MACROD2: variants seen among roughly 807,000 people sequenced by gnomAD.
The protein encoded by MACROD2 is mono-ADP ribosylhydrolase 2, also known as ADP-ribose glycohydrolase MACROD2.
A neutral mutation model predicts 70.4 loss-of-function variants in MACROD2; 36 were observed. That is an observed-to-expected ratio of 0.51 (90% CI 0.39 to 0.68). The LOEUF (loss-of-function observed/expected upper bound fraction) is 0.68, where lower values mean the gene tolerates loss of function less well. MACROD2 is among the 30% of genes least tolerant of loss of function. The pLI is 0.00. For missense variants in MACROD2, 496 were observed against 538.4 expected (o/e 0.92, Z 0.78); for synonymous variants, 172 against 178.8 (o/e 0.96, Z 0.30).
rs115356855 is a variant in MACROD2 at position 14,612,775 on chromosome 20, T to G, written c.302-72068T>G. On this transcript the variant is annotated intron_variant, in intron 4 of 17. Transcript: ENST00000684519. ...GATTATGGTGAGTTTTTAAACATTT[T>G]GCATAATTTTTTAAATTCTAAAAGT... Among the ~76,000 whole-genome samples, 1,002 of 152,228 alleles carry G rather than the reference T, an allele frequency of 6.6e-3. 11 individuals carry two copies. Among genetic ancestry groups the G allele is most frequent in the African/African-American group, 0.023 (960 of 41,556 alleles).
chr20:14,739,267 TTAAG>T (rs1269498141), intron 5 of MACROD2, among the ~76,000 whole-genome samples: 78 of 152,088 alleles, frequency 5.1e-4, no homozygotes, highest in African/African-American at 1.8e-3. Context: ...AAAAATCTCT[TTAAG>T]TACTGATCTA....
intron 4 of MACROD2, among the ~76,000 whole-genome samples, chr20:14,519,717 A>G (rs531269105): frequency 6.6e-6 from 1 of 152,324 alleles, no homozygotes; most frequent in South Asian, 2.1e-4. Context: ...ATTATTGGGT[A>G]TATACCCAAA....
At chr20:15,089,234 C>T (rs1291174205) in intron 5 of MACROD2, among the ~76,000 whole-genome samples, 1 of 152,126 alleles carries the variant, frequency 6.6e-6, no homozygotes. Flanking sequence ...GATTCTTGTG[C>T]AATTCAGCTG....
rs537239288 is a variant in MACROD2 at position 15,375,549 on chromosome 20, A to C, written c.541-55856A>C. 2.0e-5 allele frequency among the ~76,000 whole-genome samples: 3 copies of C among 152,300 alleles called. No individual in the cohort carries two copies. The East Asian group carries it at 5.8e-4, about 29-fold the overall frequency. On this transcript the variant is annotated intron_variant, in intron 6 of 17. Coordinates refer to ENST00000684519, the MANE Select transcript of MACROD2 (RefSeq NM_001351661.2). The stretch of plus-strand genomic sequence containing the variant: ...AATCTGAGCCAAATGGTAATTTGTG[A>C]GGTTATTAAAATGACTATTAAAGGC...
intron 8 of MACROD2, among the ~76,000 whole-genome samples, chr20:15,578,522 TAGTTAAA>T (rs561157318): frequency 3.5e-5 from 1 of 28,678 alleles, no homozygotes; most frequent in Admixed American, 5.5e-4. Context: ...CTTTCAGTTA[TAGTTAAA>T]AGACCAAACT....
At chr20:15,555,517 G>C (rs2053336692) in intron 8 of MACROD2, among the ~76,000 whole-genome samples, 2 of 152,094 alleles carry the variant, frequency 1.3e-5, no homozygotes, top group South Asian at 4.1e-4. Flanking sequence ...GATGGGTTCT[G>C]CCCTCTGCTA....
At chr20:14,903,286 C>T (rs955809257) in intron 5 of MACROD2, among the ~76,000 whole-genome samples, 1 of 152,054 alleles carries the variant, frequency 6.6e-6, no homozygotes, top group East Asian at 1.9e-4. Flanking sequence ...GATGATCCAT[C>T]CGCCTCGGCC....
At chr20:15,146,390 G>A (rs1300843997) in intron 5 of MACROD2, among the ~76,000 whole-genome samples, 1 of 152,098 alleles carries the variant, frequency 6.6e-6, no homozygotes, top group Non-Finnish European at 1.5e-5. Context: ...GGAAATCAGG[G>A]CCTTGTTTTC....
chr20:14,576,959 T>C (rs750247038), intron 4 of MACROD2, among the ~76,000 whole-genome samples: 5 of 152,238 alleles, frequency 3.3e-5, no homozygotes, highest in Non-Finnish European at 7.3e-5. Flanking sequence ...TGAGTTTGAA[T>C]TGTATGGTAA....
intron 5 of MACROD2, among the ~76,000 whole-genome samples, chr20:15,206,441 A>G (rs1490907729): frequency 6.6e-6 from 1 of 152,158 alleles, no homozygotes; most frequent in African/African-American, 2.4e-5. Context: ...ACAGAATAAA[A>G]TGCAAAAATC....
At chr20:14,720,564 T>TC (rs1382381136) in intron 5 of MACROD2, among the ~76,000 whole-genome samples, 1 of 118,022 alleles carries the variant, frequency 8.5e-6, no homozygotes, top group African/African-American at 3.7e-5. Flanking sequence ...TTTTTTTTTT[T>TC]TTTTTTGTGA....
At chr20:14,212,481 C>A (rs2081578887) in intron 3 of MACROD2, among the ~76,000 whole-genome samples, 1 of 152,122 alleles carries the variant, frequency 6.6e-6, no homozygotes, top group Non-Finnish European at 1.5e-5. Flanking sequence ...CAGCCGGTAG[C>A]ATTAACATAA....
intron 5 of MACROD2, among the ~76,000 whole-genome samples, chr20:15,037,127 T>C (rs2075319579): frequency 6.6e-6 from 1 of 152,130 alleles, no homozygotes; most frequent in Admixed American, 6.5e-5. Flanking sequence ...CAGTGGTACT[T>C]ATGCGGTGGC....
At chr20:15,146,706 T>G (rs1311299746) in intron 5 of MACROD2, among the ~76,000 whole-genome samples, 1 of 152,158 alleles carries the variant, frequency 6.6e-6, no homozygotes, top group African/African-American at 2.4e-5. Context: ...TACACCTGAC[T>G]TTTCATTCCT....
intron 7 of MACROD2, among the ~76,000 whole-genome samples, chr20:15,458,760 C>T (rs1426366394): frequency 6.6e-6 from 1 of 151,770 alleles, no homozygotes; most frequent in Non-Finnish European, 1.5e-5. Context: ...GAGTTTCTGC[C>T]TCATCGTATA....
chr20:15,066,247 T>G (rs890383100), intron 5 of MACROD2, among the ~76,000 whole-genome samples: 1 of 151,930 alleles, frequency 6.6e-6, no homozygotes, highest in Non-Finnish European at 1.5e-5. Context: ...TTCTCCTGCC[T>G]CAGCCTCTGG....
At chr20:14,903,714 GCTT>G (rs1298237662) in intron 5 of MACROD2, among the ~76,000 whole-genome samples, 16 of 152,022 alleles carry the variant, frequency 1.1e-4, no homozygotes, top group Non-Finnish European at 2.9e-5. Flanking sequence ...TACAGTAAAG[GCTT>G]CTTAACAGAC....
rs182023336 is a variant in MACROD2 at position 15,021,328 on chromosome 20, G to A, written c.419-208612G>A. 3.0e-3 allele frequency among the ~76,000 whole-genome samples: 390 copies of A among 130,332 alleles called. 15 individuals are homozygous for A. Among genetic ancestry groups the A allele is most frequent in the African/African-American group, 0.011 (340 of 31,178 alleles). The allele number at this position is 130,332 out of a possible 152,430, so 85.5% of individuals were successfully genotyped here. A position where few individuals can be genotyped will look rare whatever the true frequency, so the allele number is the denominator to read the frequency against. ...CATATACATATACATATACATACAC[G>A]TGTGTGTATGTATACACACAGATGT... On this transcript the variant is annotated intron_variant, in intron 5 of 17. Coordinates refer to ENST00000684519, the MANE Select transcript of MACROD2 (RefSeq NM_001351661.2).
rs148398724 is a variant in MACROD2, at chr20:14,288,934, CT to C, written c.271+203207del. Among the ~76,000 whole-genome samples the C allele has an allele frequency of 9.4e-3, 1,431 of 152,296 alleles. 19 individuals are homozygous for C. Among genetic ancestry groups the C allele is most frequent in the African/African-American group, 0.033 (1,365 of 41,560 alleles). On this transcript the variant is annotated intron_variant, in intron 3 of 17. Transcript: ENST00000684519. ...TGTCCTAAGGAGAAACAGACTTTAC[CT>C]GACCCTTGAGCCTGTTGCTTGACAG...
Sources: allele counts gnomAD v4.1 joint callset (sites outside exome capture counted in the v4.1 genomes callset), GRCh38; gene constraint gnomAD v4.1.1; transcripts MANE v1.5; gene names NCBI Gene and HGNC (gene_info 2026-07-23, HGNC 2026-07-21).